Variants in ARMC2 observed in about 807,000 individuals in gnomAD.
The protein encoded by ARMC2 is armadillo repeat-containing protein 2.
Under a neutral mutation model 90.3 loss-of-function variants are expected in ARMC2, and 67 were observed. The observed-to-expected ratio is 0.74, with a 90% CI of 0.61 to 0.91. ARMC2 has a LOEUF of 0.91. Among genes scored for constraint, ARMC2 ranks in the 40% least tolerant of loss-of-function variants. ARMC2 has a pLI of 0.00. For missense variants in ARMC2, 920 were observed against 1,030.9 expected (o/e 0.89, Z 1.47); for synonymous variants, 393 against 393.0 (o/e 1.00, Z 0.00).
intron 8 of ARMC2, among the ~76,000 whole-genome samples, chr6:108,906,634 A>G (rs565237299): frequency 6.6e-6 from 1 of 152,230 alleles, no homozygotes; most frequent in Non-Finnish European, 1.5e-5. Context: ...GGCATGCACC[A>G]CCACACCTGG....
At chr6:108,885,934 T>C (rs546827546) in intron 5 of ARMC2, among the ~76,000 whole-genome samples, 2 of 152,338 alleles carry the variant, frequency 1.3e-5, no homozygotes, top group South Asian at 4.1e-4. Flanking sequence ...ATCTTTTACC[T>C]ATTGTCCATG....
At chr6:108,966,806 A>G (rs1267285481) in intron 17 of ARMC2, among the ~76,000 whole-genome samples, 1 of 152,228 alleles carries the variant, frequency 6.6e-6, no homozygotes, top group Non-Finnish European at 1.5e-5. Context: ...TCCTGGCCCC[A>G]GCCCTAGGAA....
At chr6:108,869,150 G>T (rs1464012467) in intron 4 of ARMC2, among the ~76,000 whole-genome samples, 155 bp downstream of exon 4, 1 of 152,140 alleles carries the variant, frequency 6.6e-6, no homozygotes, top group Non-Finnish European at 1.5e-5. Flanking sequence ...AAGAAACATT[G>T]TTCATATATT....
chr6:108,968,616 G>A (rs951691270), intron 17 of ARMC2, among the ~76,000 whole-genome samples: 5 of 152,332 alleles, frequency 3.3e-5, no homozygotes, highest in South Asian at 4.1e-4. Flanking sequence ...TGGGCAGTGG[G>A]ACTGCTGCGA....
In ARMC2 at chr6:108,918,133, T is replaced by C. The variant is rs1262529775; in HGVS notation, c.1350+5575T>C. 2.0e-5 allele frequency among the ~76,000 whole-genome samples: 3 copies of C among 151,740 alleles called. No individual in the cohort carries two copies. In the East Asian group the frequency reaches 5.8e-4, roughly 29 times the overall value. ...TTGATGGTTGAAGGCAGAAAGACAA[T>C]GAAATTACCCAAGGAGAGAGTAGAG... On this transcript the variant is annotated intron_variant, in intron 10 of 17. Coordinates refer to ENST00000392644, the MANE Select transcript of ARMC2 (RefSeq NM_032131.6).
chr6:108,911,556 G>A (rs1313302249), intron 9 of ARMC2, among the ~76,000 whole-genome samples: 3 of 151,914 alleles, frequency 2.0e-5, no homozygotes, highest in Non-Finnish European at 4.4e-5. Flanking sequence ...AAAATACAAA[G>A]TATTTTCCAT....
intron 3 of ARMC2, among the ~76,000 whole-genome samples, chr6:108,863,826 A>G (rs2768541): frequency 0.78 from 118,945 of 152,106 alleles, 46,785 homozygotes; most frequent in South Asian, 0.85. Context: ...AAAATAGATC[A>G]CTGCCAACAT....
intron 11 of ARMC2, among the ~76,000 whole-genome samples, chr6:108,936,200 C>G (rs771499565): frequency 4.6e-5 from 7 of 152,194 alleles, no homozygotes; most frequent in Non-Finnish European, 8.8e-5. Flanking sequence ...TACCAATCTA[C>G]TATATTAAAG....
At chr6:108,945,952 A>G (rs1190005925) in intron 12 of ARMC2, among the ~76,000 whole-genome samples, 1 of 152,234 alleles carries the variant, frequency 6.6e-6, no homozygotes, top group Non-Finnish European at 1.5e-5. Context: ...CCTGCCTGAC[A>G]GGAGCACGCC....
chr6:108,987,539 A>G, the ARMC2 span: 1 of 1,523,534 alleles, frequency 6.6e-7, no homozygotes, highest in East Asian at 2.3e-5. Flanking sequence ...AATGAAGGAA[A>G]GGCATCAGGT....
At chr6:109,037,952 C>A in the ARMC2 span, among the ~76,000 whole-genome samples, 1 of 152,050 alleles carries the variant, frequency 6.6e-6, no homozygotes, top group Admixed American at 6.6e-5. Flanking sequence ...AATGCAAGTA[C>A]CCTGAAAAAT....
chr6:108,863,363 A>T (rs970137429), intron 3 of ARMC2, among the ~76,000 whole-genome samples: 1 of 152,184 alleles, frequency 6.6e-6, no homozygotes, highest in African/African-American at 2.4e-5. Flanking sequence ...GACTACAGGC[A>T]TGAACCACCA....
At chr6:109,048,280 T>C in the ARMC2 span, among the ~76,000 whole-genome samples, 1 of 152,134 alleles carries the variant, frequency 6.6e-6, no homozygotes. Flanking sequence ...GCAGGCAGTT[T>C]AACCACAGGT....
At chr6:108,967,001 G>C (rs1308856731) in intron 17 of ARMC2, among the ~76,000 whole-genome samples, 1 of 152,228 alleles carries the variant, frequency 6.6e-6, no homozygotes, top group African/African-American at 2.4e-5. Context: ...GCAGGCAGGA[G>C]CCAGAGTCCC....
the ARMC2 span, among the ~76,000 whole-genome samples, chr6:109,027,519 T>C: frequency 1.4e-5 from 2 of 145,104 alleles, no homozygotes; most frequent in Non-Finnish European, 3.0e-5. Flanking sequence ...TCTTCACCAA[T>C]GCTCAGCATT....
the ARMC2 span, among the ~76,000 whole-genome samples, chr6:109,010,074 G>C: frequency 6.6e-6 from 1 of 152,084 alleles, no homozygotes; most frequent in South Asian, 2.1e-4. Context: ...GCTAAGCTAC[G>C]TAAAAGCTAT....
intron 13 of ARMC2, among the ~76,000 whole-genome samples, chr6:108,959,140 T>G (rs1183835697): frequency 1.3e-5 from 2 of 152,224 alleles, no homozygotes; most frequent in Admixed American, 6.5e-5. Flanking sequence ...ATCCATTAAG[T>G]GTCTACCAGG....
intron 3 of ARMC2, among the ~76,000 whole-genome samples, chr6:108,867,824 A>G (rs1456084915): frequency 6.6e-6 from 1 of 150,820 alleles, no homozygotes; most frequent in Non-Finnish European, 1.5e-5. Context: ...AATCCTAGCT[A>G]CTCGGGAGCT....
At chr6:108,993,213 C>T in the ARMC2 span, among the ~76,000 whole-genome samples, 2 of 152,228 alleles carry the variant, frequency 1.3e-5, no homozygotes, top group African/African-American at 4.8e-5. Flanking sequence ...TATGAACATA[C>T]TTTTGGATAA....
Sources: gnomAD v4.1 joint callset for allele counts (sites outside exome capture counted in the v4.1 genomes callset) on GRCh38, gnomAD v4.1.1 for gene constraint, MANE v1.5 for transcripts, NCBI Gene and HGNC (gene_info 2026-07-23, HGNC 2026-07-21) for gene names.